Variants in ADARB2 observed in about 807,000 individuals in gnomAD.
ADARB2 encodes inactive double-stranded RNA-specific editase B2.
Under a neutral mutation model 62.2 loss-of-function variants are expected in ADARB2, and 25 were observed. The observed-to-expected ratio is 0.40, with a 90% confidence interval of 0.29 to 0.56. The LOEUF is 0.56. Ranked by LOEUF, ADARB2 falls within the 20% of genes least tolerant of loss-of-function variation. ADARB2 has a pLI of 0.43. For synonymous variants in ADARB2, 572 were observed against 500.8 expected, an observed-to-expected ratio of 1.14 and a Z score of -1.90; for missense variants, 1,071 against 1,077.4, an observed-to-expected ratio of 0.99 and a Z score of 0.08.
chr10:1,209,765 A>G (rs986141368), intron 7 of ADARB2, among the ~76,000 whole-genome samples: 18 of 152,184 alleles, frequency 1.2e-4, no homozygotes, highest in African/African-American at 4.3e-4. Flanking sequence ...CCCTTTCCCA[A>G]CTTGAGTGCT....
At chr10:1,570,514 C>G (rs1308918793) in intron 1 of ADARB2, among the ~76,000 whole-genome samples, 1 of 152,126 alleles carries the variant, frequency 6.6e-6, no homozygotes, top group Non-Finnish European at 1.5e-5. Context: ...AGCCTGGTGG[C>G]TTCAGGATTT....
At chr10:1,303,195 A>G (rs1831592015) in intron 3 of ADARB2, among the ~76,000 whole-genome samples, 1 of 152,132 alleles carries the variant, frequency 6.6e-6, no homozygotes. Flanking sequence ...GAGCTGATAG[A>G]GCTGAAAACC....
At chr10:1,597,582 C>T (rs1402708439) in intron 1 of ADARB2, among the ~76,000 whole-genome samples, 2 of 152,212 alleles carry the variant, frequency 1.3e-5, no homozygotes, top group Non-Finnish European at 2.9e-5. Flanking sequence ...CATCGTCTCA[C>T]ACCAGTCAGA....
chr10:1,705,382 G>C (rs1834875977), intron 1 of ADARB2, among the ~76,000 whole-genome samples: 1 of 152,174 alleles, frequency 6.6e-6, no homozygotes, highest in South Asian at 2.1e-4. Context: ...TGGCACCAGG[G>C]GTCCTGGGGG....
Position 1,680,636 on chromosome 10 carries a change from A to G in ADARB2, c.100+56415T>C, listed in dbSNP as rs747973405. On this transcript the variant is annotated intron_variant, in intron 1 of 9. Coordinates refer to ENST00000381312, the MANE Select transcript of ADARB2 (RefSeq NM_018702.4). Reference sequence around the variant, plus strand: ...CACTGAGGGACTGAAGGAGCGAGTGAAGATATTTACAGCTTTATTAGAGAA... The same window carrying G: ...CACTGAGGGACTGAAGGAGCGAGTGGAGATATTTACAGCTTTATTAGAGAA... Among the ~76,000 whole-genome samples the G allele has an allele frequency of 3.4e-4, 51 of 152,196 alleles. 1 individual carries two copies. The highest frequency in any genetic ancestry group is 1.4e-3 in the Admixed American group (22 of 15,284).
chr10:1,217,846 G>A (rs1161605185), intron 6 of ADARB2, among the ~76,000 whole-genome samples: 4 of 152,010 alleles, frequency 2.6e-5, no homozygotes, highest in African/African-American at 4.8e-5. Flanking sequence ...GGTCGCCATG[G>A]GCAGGAGCTC....
At chr10:1,707,678 C>T (rs75796420) in intron 1 of ADARB2, among the ~76,000 whole-genome samples, 1,956 of 152,302 alleles carry the variant, frequency 0.013, 45 homozygotes, top group African/African-American at 0.045. Context: ...ACAGGGATGC[C>T]TTCCTGGGCT....
intron 4 of ADARB2, among the ~76,000 whole-genome samples, chr10:1,257,570 A>C (rs1399774990): frequency 6.6e-6 from 1 of 152,238 alleles, no homozygotes; most frequent in Non-Finnish European, 1.5e-5. Context: ...GGCTGGGTCC[A>C]GAGCGCTGTG....
rs73590481 is a variant in ADARB2 at position 1,233,132 on chromosome 10, C to T, written c.1513+562G>A. ...TGCCCTCCGACCCTGGCAATCGCAG[C>T]ATCACTGCCCTTTGCTGATGGAGAG... On this transcript the variant is annotated intron_variant, in intron 6 of 9. Transcript: ENST00000381312. Among the ~76,000 whole-genome samples, 437 of 152,268 alleles carry T rather than the reference C, an allele frequency of 2.9e-3. 2 individuals are homozygous for T. The highest frequency in any genetic ancestry group is 9.6e-3 in the African/African-American group (399 of 41,528).
At chr10:1,213,250 G>C (rs1837184106) in intron 7 of ADARB2, among the ~76,000 whole-genome samples, 1 of 152,170 alleles carries the variant, frequency 6.6e-6, no homozygotes, top group South Asian at 2.1e-4. Flanking sequence ...CAAGGACAGA[G>C]ATGGAGACAA....
At chr10:1,392,209 G>T (rs1363551950) in intron 1 of ADARB2, among the ~76,000 whole-genome samples, 1 of 152,048 alleles carries the variant, frequency 6.6e-6, no homozygotes, top group Non-Finnish European at 1.5e-5. Context: ...TTTCCCTTTT[G>T]TGGGCCATGT....
At chr10:1,246,052 T>A (rs1830983741) in intron 4 of ADARB2, among the ~76,000 whole-genome samples, 2 of 151,764 alleles carry the variant, frequency 1.3e-5, no homozygotes, top group East Asian at 3.9e-4. Context: ...AGATGGTATC[T>A]CATTGTGGTT....
At chr10:1,267,608 C>CTT (rs915468494) in intron 4 of ADARB2, among the ~76,000 whole-genome samples, 2 of 151,958 alleles carry the variant, frequency 1.3e-5, no homozygotes, top group East Asian at 3.9e-4. Flanking sequence ...CTTCCTCTTT[C>CTT]TTTTTTTTCA....
Position 1,270,959 on chromosome 10 carries a change from G to A in ADARB2, c.1188C>T (p.Thr396=), listed in dbSNP as rs750196526. Residue 396 remains threonine, a synonymous_variant, in exon 4 of 10, where the codon ACC becomes ACT. Coordinates refer to ENST00000381312, the MANE Select transcript of ADARB2 (RefSeq NM_018702.4). The part of the protein sequence containing the change: ...RHKALAGIVM[T]KGLDARQAQV... ...AGGAAAAGAGGAGGTGGCTACCTTT[G>A]GTCATGACGATTCCTGCCAGCGCTT... is the stretch of plus-strand genomic sequence containing the variant. The A allele has an allele frequency of 3.1e-6, 5 of 1,613,906 alleles. No individual in the cohort carries two copies. Among genetic ancestry groups the A allele is most frequent in the Non-Finnish European group, 4.2e-6 (5 of 1,179,860 alleles).
chr10:1,555,012 T>C (rs1003258161), intron 1 of ADARB2, among the ~76,000 whole-genome samples: 1 of 152,198 alleles, frequency 6.6e-6, no homozygotes, highest in African/African-American at 2.4e-5. Context: ...TTTCTTAGGA[T>C]AATGGCCTCT....
At chr10:1,267,108 A>C (rs1033542192) in intron 4 of ADARB2, among the ~76,000 whole-genome samples, 1 of 151,592 alleles carries the variant, frequency 6.6e-6, no homozygotes, top group African/African-American at 2.4e-5. Flanking sequence ...TGAATGGCTC[A>C]CACCTAAACA....
chr10:1,264,388 G>A (rs1031403205), intron 4 of ADARB2, among the ~76,000 whole-genome samples: 1 of 152,156 alleles, frequency 6.6e-6, no homozygotes, highest in Non-Finnish European at 1.5e-5. Flanking sequence ...CTTATACTCC[G>A]CTTCTCTTAG....
At chr10:1,522,386 G>A (rs976998163) in intron 1 of ADARB2, among the ~76,000 whole-genome samples, 1 of 152,154 alleles carries the variant, frequency 6.6e-6, no homozygotes, top group African/African-American at 2.4e-5. Context: ...AGGAAAATTC[G>A]CTGTGGGGTG....
chr10:1,383,411 G>T (rs999521018), intron 1 of ADARB2, among the ~76,000 whole-genome samples: 2 of 150,682 alleles, frequency 1.3e-5, no homozygotes, highest in Non-Finnish European at 3.0e-5. Flanking sequence ...ACATCTTGGG[G>T]TGAGGATTTT....
Sources: allele counts gnomAD v4.1 joint callset (sites outside exome capture counted in the v4.1 genomes callset), GRCh38; gene constraint gnomAD v4.1.1; transcripts MANE v1.5; gene names NCBI Gene and HGNC (gene_info 2026-07-23, HGNC 2026-07-21).